Variants in MKNK1 observed in about 807,000 individuals in gnomAD.
The protein encoded by MKNK1 is MAP kinase-interacting serine/threonine-protein kinase 1.
In MKNK1, 30 loss-of-function variants were observed where a neutral mutation model predicts 49.3. The observed-to-expected ratio is 0.61, with a 90% CI of 0.46 to 0.83. MKNK1 has a LOEUF of 0.83. Among genes scored for constraint, MKNK1 ranks in the 40% least tolerant of loss-of-function variants. The pLI, the probability that MKNK1 is intolerant of heterozygous loss-of-function variation, is 0.00. For missense variants in MKNK1, 423 were observed against 524.7 expected, an observed-to-expected ratio of 0.81 and a Z score of 1.89; for synonymous variants, 176 against 201.7, an observed-to-expected ratio of 0.87 and a Z score of 1.08.
At chr1:46,583,137 C>T (rs1030800693) in intron 3 of MKNK1, 91 bp downstream of exon 3, 8 of 960,702 alleles carry the variant, frequency 8.3e-6, no homozygotes, top group Non-Finnish European at 1.0e-5. Flanking sequence ...TCTAACTTGA[C>T]GCATTCTGTG....
chr1:46,578,023 G>C (rs1240862989), intron 4 of MKNK1, among the ~76,000 whole-genome samples: 1 of 152,234 alleles, frequency 6.6e-6, no homozygotes, highest in East Asian at 1.9e-4. Flanking sequence ...ACCACAGTGG[G>C]CCCATTATCT....
At chr1:46,572,222 G>GA in intron 6 of MKNK1, 55 bp from the exon 7 acceptor site, 1 of 1,297,192 alleles carries the variant, frequency 7.7e-7, no homozygotes. Context: ...GTAAGTATAA[G>GA]TTTTTTTTTT....
intron 1 of MKNK1, among the ~76,000 whole-genome samples, chr1:46,599,050 G>A (rs1421321450): frequency 6.6e-6 from 1 of 152,192 alleles, no homozygotes; most frequent in African/African-American, 2.4e-5. Context: ...CATACAGTAG[G>A]CACCCAATAA....
rs186854554 is a variant in MKNK1 at position 46,594,421 on chromosome 1, C to T, written c.-170-141G>A. On this transcript the variant is annotated intron_variant, in intron 1 of 12. Coordinates refer to ENST00000371945, the MANE Select transcript of MKNK1 (RefSeq NM_001135553.4). ...TATACACGCAGCAATCACAGGTTTC[C>T]CATCTTTAAAATCAGACATTTGAAT... 3.8e-5 allele frequency: 18 copies of T among 473,274 alleles called. No homozygotes were observed. In the Admixed American group the frequency reaches 5.2e-4, roughly 14 times the overall value. The allele number at this position is 473,274 out of a possible 1,614,324, so 29.3% of individuals were successfully genotyped here.
chr1:46,594,358 A>C, intron 1 of MKNK1, 78 bp from the exon 2 acceptor site: 1 of 616,270 alleles, frequency 1.6e-6, no homozygotes, highest in Non-Finnish European at 2.9e-6. Context: ...GATCAATCTG[A>C]ACGTGCCCCA....
At position 46,588,733 on chromosome 1, in the gene MKNK1, G is replaced by A. The variant is rs560480058; in HGVS notation, c.-3+5380C>T. Reference sequence around the variant, plus strand: ...GAGGCAGGAGAATGGCGTAAACCCCGGGGGGCGGAGCCTGCAGTGAGCCGA... The same window carrying A: ...GAGGCAGGAGAATGGCGTAAACCCCAGGGGGCGGAGCCTGCAGTGAGCCGA... On this transcript the variant is annotated intron_variant, in intron 2 of 12. Transcript: ENST00000371945. Among the ~76,000 whole-genome samples, 73 of 151,926 alleles carry A rather than the reference G, an allele frequency of 4.8e-4. 1 individual carries two copies. Among genetic ancestry groups the A allele is most frequent in the African/African-American group, 1.5e-3 (62 of 41,454 alleles).
intron 8 of MKNK1, among the ~76,000 whole-genome samples, chr1:46,568,008 G>A (rs1410047949): frequency 6.6e-6 from 1 of 151,998 alleles, no homozygotes; most frequent in Non-Finnish European, 1.5e-5. Context: ...TGTTGTCTCA[G>A]CTACTTGGGG....
intron 1 of MKNK1, among the ~76,000 whole-genome samples, chr1:46,596,026 G>A (rs761604713): frequency 2.0e-5 from 3 of 152,258 alleles, no homozygotes; most frequent in Non-Finnish European, 4.4e-5. Context: ...GGGATTATGG[G>A]CGTGAGCCAC....
rs1673116230 is a variant in MKNK1, at chr1:46,589,995, T to G, written c.-3+4118A>C. On this transcript the variant is annotated intron_variant, in intron 2 of 12. Transcript: ENST00000371945. This position sits in a 1 kb window ranked among gnomAD's most constrained non-coding sequence, Gnocchi z 4.3. ...TCAGCTCTGCAAACTTAGCTCACAC[T>G]CCTCTCCCAACCACTTCAGAATTCT... Among the ~76,000 whole-genome samples the G allele has an allele frequency of 1.3e-5, 2 of 151,000 alleles. No individual in the cohort carries two copies. Among genetic ancestry groups the G allele is most frequent in the Admixed American group, 6.6e-5 (1 of 15,232 alleles).
At chr1:46,561,709 T>G (rs1299063829) in intron 10 of MKNK1, 67 bp from the exon 11 acceptor site, 2 of 1,559,432 alleles carry the variant, frequency 1.3e-6, no homozygotes. Context: ...TGTCATTGTT[T>G]TGATCAACCG....
intron 10 of MKNK1, 140 bp downstream of exon 10, chr1:46,562,509 C>T: frequency 1.0e-6 from 1 of 970,580 alleles, no homozygotes; most frequent in Non-Finnish European, 1.5e-6. Flanking sequence ...ACCTTGTGGC[C>T]ACCGTGACAG....
At position 46,562,650 on chromosome 1, in the gene MKNK1, T is replaced by A; in HGVS notation, c.803A>T (p.Gln268Leu). Residue 268 changes from glutamine (Q) to leucine (L), a missense_variant and splice_region_variant, in exon 10 of 13, where the codon CAG becomes CTG. Gln to Leu is a moderately radical substitution (Grantham distance 113). Coordinates refer to ENST00000371945, the MANE Select transcript of MKNK1 (RefSeq NM_001135553.4). ...AGTGCTCCCTGGGGCCGCACTCACC[T>A]GGCACACCCTGCAGACCTCGCCCCG... ...WDRGEVCRVC[Q>L]NKLFESIQEG... 1.3e-6 allele frequency: 2 copies of A among 1,551,788 alleles called. No individual in the cohort carries two copies. Among genetic ancestry groups the A allele is most frequent in the Non-Finnish European group, 1.7e-6 (2 of 1,147,576 alleles).
chr1:46,586,823 T>C (rs1672640610), intron 2 of MKNK1, among the ~76,000 whole-genome samples: 1 of 152,184 alleles, frequency 6.6e-6, no homozygotes, highest in African/African-American at 2.4e-5. Flanking sequence ...TCTTTTCTTT[T>C]CTTTTTGAGA....
At chr1:46,579,870 G>A (rs1030100107) in intron 4 of MKNK1, among the ~76,000 whole-genome samples, 10 of 147,814 alleles carry the variant, frequency 6.8e-5, no homozygotes, top group African/African-American at 2.7e-4. Context: ...AGTCGCTTTA[G>A]TTTTGTTTTC....
intron 2 of MKNK1, chr1:46,586,232 A>C: frequency 3.4e-6 from 1 of 294,586 alleles, no homozygotes; most frequent in Non-Finnish European, 6.8e-6. Flanking sequence ...ACCTTGGCTC[A>C]CCTGCTTCCC....
intron 2 of MKNK1, among the ~76,000 whole-genome samples, chr1:46,592,595 C>T (rs769014295): frequency 2.5e-4 from 38 of 152,104 alleles, no homozygotes; most frequent in Admixed American, 4.6e-4. Flanking sequence ...TGGAACAGCC[C>T]GGGGCAGGGT....
intron 2 of MKNK1, among the ~76,000 whole-genome samples, chr1:46,586,748 C>A (rs1672631580): frequency 6.6e-6 from 1 of 152,180 alleles, no homozygotes; most frequent in Non-Finnish European, 1.5e-5. Context: ...AGGAATTCTA[C>A]TAATTCCTGG....
intron 2 of MKNK1, among the ~76,000 whole-genome samples, chr1:46,584,309 T>C (rs1205942831): frequency 2.0e-5 from 3 of 152,196 alleles, no homozygotes; most frequent in African/African-American, 7.2e-5. Flanking sequence ...GGAGCTTTAA[T>C]ACTCTTTGCC....
intron 2 of MKNK1, among the ~76,000 whole-genome samples, chr1:46,585,311 C>T (rs1672391429): frequency 8.2e-6 from 1 of 122,022 alleles, no homozygotes; most frequent in Non-Finnish European, 1.7e-5. Context: ...AAATCAGCAC[C>T]TCAACACCCA....
Sources: gnomAD v4.1 joint callset for allele counts (sites outside exome capture counted in the v4.1 genomes callset) on GRCh38, gnomAD v4.1.1 for gene constraint, Gnocchi (gnomAD v3.1) non-coding constraint, MANE v1.5 for transcripts, NCBI Gene and HGNC (gene_info 2026-07-23, HGNC 2026-07-21) for gene names.